The following ADCY6 variants were observed in gnomAD, a reference collection of about 807,000 sequenced individuals.
The protein encoded by ADCY6 is adenylate cyclase type 6.
ADCY6 carries 59 observed loss-of-function variants against 111.6 expected under a neutral mutation model. The ratio of observed to expected loss-of-function variants is 0.53; its 90% CI spans 0.43 to 0.66. The LOEUF is 0.66. Ranked by LOEUF, ADCY6 falls within the 30% of genes least tolerant of loss-of-function variation. The probability of loss-of-function intolerance (pLI) is 0.00; values close to 1 mark genes in which losing one functional copy is unlikely to be tolerated. For missense variants in ADCY6, 1,242 were observed against 1,595.6 expected, an observed-to-expected ratio of 0.78 and a Z score of 3.78; for synonymous variants, 576 against 642.9, an observed-to-expected ratio of 0.90 and a Z score of 1.57.
intron 9 of ADCY6, 114 bp downstream of exon 9, chr12:48,775,849 A>C (rs1451188081): frequency 3.3e-6 from 5 of 1,521,220 alleles, no homozygotes; most frequent in Non-Finnish European, 4.5e-6. Flanking sequence ...TCACTGCCCC[A>C]ATACCAGAAA....
Position 48,768,285 on chromosome 12 carries a change from A to C in ADCY6, c.*306T>G. 2.2e-6 allele frequency: 1 copy of C among 451,514 alleles called. No individual in the cohort carries two copies. The highest frequency in any genetic ancestry group is 4.1e-6 in the Non-Finnish European group (1 of 245,176). 28.0% of individuals were successfully genotyped at this position (451,514 alleles called of 1,614,324 possible). On this transcript the variant is annotated 3_prime_UTR_variant, in exon 22 of 22. Transcript: ENST00000357869. ...AGCTGCCATTTTAATCCCTCAGGCA[A>C]GAGGCCTCCCTCTGCTTCTGCTACT...
chr12:48,776,658 C>A lies in ADCY6; in HGVS notation c.1377-72G>T. The stretch of plus-strand genomic sequence containing the variant: ...CCCAGCCCACAACCCAGGCCCTTCA[C>A]TCCTCTCAGGGCCCAGCGGGCAAGG... On this transcript the variant is annotated intron_variant, in intron 6 of 21. Coordinates refer to ENST00000357869, the MANE Select transcript of ADCY6 (RefSeq NM_015270.5). This position sits in a 1 kb window ranked among gnomAD's most constrained non-coding sequence, Gnocchi z 6.1. 6.5e-7 allele frequency: 1 copy of A among 1,535,324 alleles called. No homozygotes were observed. Among genetic ancestry groups the A allele is most frequent in the Non-Finnish European group, 8.7e-7 (1 of 1,143,986 alleles).
chr12:48,777,829 C>T lies in ADCY6; in HGVS notation c.1015-93G>A. On this transcript the variant is annotated intron_variant, in intron 3 of 21. Coordinates refer to ENST00000357869, the MANE Select transcript of ADCY6 (RefSeq NM_015270.5). This position sits in a 1 kb window ranked among gnomAD's most constrained non-coding sequence, Gnocchi z 4.9. ...TCCACATCGCCAGAGCCCTCCTAGA[C>T]TTCTCTGAAGACCTGACCTTCCCTT... 1 of 1,550,654 alleles carries T rather than the reference C, an allele frequency of 6.4e-7. No individual in the cohort carries two copies. Among genetic ancestry groups the T allele is most frequent in the South Asian group, 1.2e-5 (1 of 82,150 alleles).
Position 48,770,927 on chromosome 12 carries a change from G to T in ADCY6, c.3095C>A (p.Thr1032Lys), listed in dbSNP as rs759187324. 6.2e-7 allele frequency: 1 copy of T among 1,614,166 alleles called. No individual in the cohort carries two copies. The highest frequency in any genetic ancestry group is 8.5e-7 in the Non-Finnish European group (1 of 1,180,040). Residue 1032 changes from threonine (T) to lysine (K), a missense_variant, in exon 20 of 22, where the codon ACG (threonine) becomes AAG (lysine). Thr to Lys is a moderately conservative substitution (Grantham distance 78). This residue lies in a region of ADCY6 where 245 missense variants were observed against 371.3 expected (regional missense o/e 0.66). Coordinates refer to ENST00000357869, the MANE Select transcript of ADCY6 (RefSeq NM_015270.5). ...GGCAGCCATGTAGGTGCTACCAATC[G>T]TCTTGATCTTTTCCAGCTGCCGGAA... ...ERFRQLEKIK[T>K]IGSTYMAASG...
chr12:48,774,886 G>A (rs949974002), intron 12 of ADCY6, 71 bp downstream of exon 12: 14 of 1,521,848 alleles, frequency 9.2e-6, no homozygotes, highest in Non-Finnish European at 9.8e-6. Flanking sequence ...TTGTGGGCTT[G>A]TGTGGGTATT....
In ADCY6 at chr12:48,783,583, C is replaced by T. The variant is rs1941913316; in HGVS notation, c.-4-145G>A. 6.8e-6 allele frequency: 10 copies of T among 1,479,168 alleles called. No homozygotes were observed. The South Asian group carries it at 1.4e-4, about 21-fold the overall frequency. 91.6% of individuals were successfully genotyped at this position (1,479,168 alleles called of 1,614,324 possible). ...TATGAGTTTCATCCTCATAAAATTA[C>T]TTGGAGGTAGGCAACAAGGGTATCC... On this transcript the variant is annotated intron_variant, in intron 1 of 21. Coordinates refer to ENST00000357869, the MANE Select transcript of ADCY6 (RefSeq NM_015270.5).
intron 15 of ADCY6, 131 bp from the exon 16 acceptor site, chr12:48,773,778 T>C: frequency 6.9e-7 from 1 of 1,441,864 alleles, no homozygotes; most frequent in Non-Finnish European, 9.5e-7. Context: ...TCCTCCACCT[T>C]CCATGCCCAG....
chr12:48,778,096 G>A lies in ADCY6; in HGVS notation c.1014+12C>T. On this transcript the variant is annotated intron_variant, in intron 3 of 21. Coordinates refer to ENST00000357869, the MANE Select transcript of ADCY6 (RefSeq NM_015270.5). Reference sequence around the variant, plus strand: ...GGTGGGGGCAGGCCCTGGTCACGGGGAGCAGCCCCACCTGCTGCCGATTCT... The same window carrying A: ...GGTGGGGGCAGGCCCTGGTCACGGGAAGCAGCCCCACCTGCTGCCGATTCT... The A allele has an allele frequency of 6.2e-7, 1 of 1,601,496 alleles. No homozygotes were observed. The highest frequency in any genetic ancestry group is 1.1e-5 in the South Asian group (1 of 89,598).
In ADCY6 at chr12:48,777,718, C is replaced by T. The variant is rs1472998983; in HGVS notation, c.1033G>A (p.Val345Ile). 1 of 1,614,028 alleles carries T rather than the reference C, an allele frequency of 6.2e-7. No homozygotes were observed. The highest frequency in any genetic ancestry group is 8.5e-7 in the Non-Finnish European group (1 of 1,180,032). The change falls in exon 4 of 22, where the codon GTA (valine) becomes ATA (isoleucine). Residue 345 changes from valine to isoleucine, a missense_variant. By Grantham distance (29) the Val-to-Ile change is conservative. This residue lies in a region of ADCY6 where 260 missense variants were observed against 414.6 expected (regional missense o/e 0.63). Transcript: ENST00000357869. This position sits in a 1 kb window ranked among gnomAD's most constrained non-coding sequence, Gnocchi z 4.9. Reference sequence around the variant, plus strand: ...TCCATGGCAACGTGCTGGGGCAATACCGACAGCAGCAGCCGCTCCTAGCCC... The same window carrying T: ...TCCATGGCAACGTGCTGGGGCAATATCGACAGCAGCAGCCGCTCCTAGCCC... ...NRQQERLLLS[V>I]LPQHVAMEMK...
At chr12:48,769,762 T>C (rs1490583985) in intron 20 of ADCY6, among the ~76,000 whole-genome samples, 3 of 148,366 alleles carry the variant, frequency 2.0e-5, no homozygotes. Flanking sequence ...AATTTTTGTT[T>C]TTTTTTTTTT....
chr12:48,783,577 A>G (rs1031673008), intron 1 of ADCY6, 139 bp from the exon 2 acceptor site: 2 of 1,490,224 alleles, frequency 1.3e-6, no homozygotes, highest in African/African-American at 2.8e-5. Flanking sequence ...CATCCTCATA[A>G]AATTACTTGG....
Position 48,772,557 on chromosome 12 carries a change from A to G in ADCY6, c.2622-14T>C. 1.2e-6 allele frequency: 2 copies of G among 1,614,184 alleles called. No individual in the cohort carries two copies. The highest frequency in any genetic ancestry group is 1.7e-6 in the Non-Finnish European group (2 of 1,180,020). ...TTGGAAGAAGCCCTGGTAAGAAGAT[A>G]GAAGAGACAAAGTCATCAGTGCTTC... On this transcript the variant is annotated splice_polypyrimidine_tract_variant and intron_variant, in intron 16 of 21. Transcript: ENST00000357869.
chr12:48,786,335 T>C (rs890865542), intron 1 of ADCY6, among the ~76,000 whole-genome samples: 1 of 152,136 alleles, frequency 6.6e-6, no homozygotes, highest in Non-Finnish European at 1.5e-5. Context: ...CCTTCTCCTA[T>C]ATCCCACAGA....
At chr12:48,789,669 C>T (rs1363404961), upstream of ADCY6, 1 of 151,114 alleles carries the variant, frequency 6.6e-6, no homozygotes, top group Non-Finnish European at 1.5e-5. Flanking sequence ...ATTAATTAAG[C>T]TCTCATTCCA....
Position 48,774,979 on chromosome 12 carries a change from T to A in ADCY6, c.2056A>T (p.Ile686Phe). The change falls in exon 12 of 22, where the codon ATC becomes TTC. Residue 686 changes from isoleucine to phenylalanine, a missense_variant. Around this residue, in one of 4 missense-constraint regions of ADCY6, gnomAD observed 375 missense variants for 432.5 expected, o/e 0.87. Coordinates refer to ENST00000357869, the MANE Select transcript of ADCY6 (RefSeq NM_015270.5). Reference protein sequence around the residue: ...ALLVFCFICFIQLLIFPHSTL... With the variant: ...ALLVFCFICFFQLLIFPHSTL... ...CACTGTGGGAAGATGAGAAGCTGGA[T>A]GAAGCAGATGAAGCAGAAGACCAAC... 1 of 1,556,410 alleles carries A rather than the reference T, an allele frequency of 6.4e-7. No homozygotes were observed. Among genetic ancestry groups the A allele is most frequent in the Non-Finnish European group, 8.7e-7 (1 of 1,149,688 alleles).
At chr12:48,780,186 CTG>C (rs1941807351) in intron 2 of ADCY6, among the ~76,000 whole-genome samples, 1 of 152,172 alleles carries the variant, frequency 6.6e-6, no homozygotes, top group African/African-American at 2.4e-5. Flanking sequence ...TGAAATAACT[CTG>C]TACACACACA....
In ADCY6 at chr12:48,771,732, T is replaced by A; in HGVS notation, c.3029A>T (p.Glu1010Val). The A allele has an allele frequency of 2.5e-6, 4 of 1,614,126 alleles. No individual in the cohort carries two copies. Among genetic ancestry groups the A allele is most frequent in the Non-Finnish European group, 3.4e-6 (4 of 1,180,032 alleles). The change falls in exon 19 of 22, where the codon GAG becomes GTG. Residue 1010 changes from glutamate to valine, a missense_variant. Transcript: ENST00000357869. This position sits in a 1 kb window ranked among gnomAD's most constrained non-coding sequence, Gnocchi z 4.3. ...TACCTCATCAAAGTCAGCGATGATC[T>A]CGTTGAGCAGCCGCAGGCACTCGAC... ...EGVECLRLLN[E>V]IIADFDEIIS...
At chr12:48,769,285 T>C (rs1472037770) in intron 20 of ADCY6, among the ~76,000 whole-genome samples, 1 of 151,890 alleles carries the variant, frequency 6.6e-6, no homozygotes, top group African/African-American at 2.4e-5. Context: ...TGGTGGTACA[T>C]GCCTGTAGTC....
At chr12:48,788,167 T>C (rs1263860340) in intron 1 of ADCY6, among the ~76,000 whole-genome samples, 1 of 152,148 alleles carries the variant, frequency 6.6e-6, no homozygotes, top group African/African-American at 2.4e-5. Context: ...AGGGCCTGTA[T>C]CTGTCGGTCC....
Sources: allele counts gnomAD v4.1 joint callset (sites outside exome capture counted in the v4.1 genomes callset), GRCh38; gene constraint gnomAD v4.1.1; regional missense constraint gnomAD v4.1.1; non-coding constraint Gnocchi (gnomAD v3.1); transcripts MANE v1.5; gene names NCBI Gene and HGNC (gene_info 2026-07-23, HGNC 2026-07-21).